The following STON1 variants were observed in gnomAD, a reference collection of about 807,000 sequenced individuals.
The protein encoded by STON1 is stonin 1, also known as stonin-1.
STON1 carries 79 observed loss-of-function variants against 60.9 expected under a neutral mutation model. The observed-to-expected ratio is 1.30, with a 90% confidence interval of 1.08 to 1.56. The LOEUF (loss-of-function observed/expected upper bound fraction) is 1.56. STON1 is among the 40% of genes most tolerant of loss of function. The pLI is 0.00. For missense variants in STON1, 1,166 were observed against 858.9 expected, an observed-to-expected ratio of 1.36 and a Z score of -4.47; for synonymous variants, 363 against 306.9, an observed-to-expected ratio of 1.18 and a Z score of -1.91.
In STON1 at chr2:48,596,227, G is replaced by T. The variant is rs542314091; in HGVS notation, c.*925G>T. ...ATTATGATTATTTTATACTAGTTCT[G>T]CTATCATGCTGTTTTATGCTAATTC... is the stretch of plus-strand genomic sequence containing the variant. On this transcript the variant is annotated 3_prime_UTR_variant, in exon 4 of 4. Coordinates refer to ENST00000404752, the MANE Select transcript of STON1 (RefSeq NM_006873.4). 6.6e-4 allele frequency: 101 copies of T among 152,230 alleles called. No homozygotes were observed. The highest frequency in any genetic ancestry group is 2.3e-3 in the African/African-American group (96 of 41,542). The allele number at this position is 152,230 out of a possible 1,614,324, so 9.4% of individuals were successfully genotyped here.
intron 1 of STON1, among the ~76,000 whole-genome samples, chr2:48,564,427 T>C (rs1000932451): frequency 6.4e-4 from 28 of 43,644 alleles, no homozygotes; most frequent in African/African-American, 2.2e-3. Flanking sequence ...TTCTTCTTCT[T>C]CTTCTTCTTC....
intron 2 of STON1, among the ~76,000 whole-genome samples, chr2:48,589,668 C>T (rs1185510655): frequency 6.6e-6 from 1 of 152,176 alleles, no homozygotes. Context: ...ACCACTAAGT[C>T]TTCAATTTGG....
At chr2:48,548,349 T>A (rs1671944752) in intron 1 of STON1, among the ~76,000 whole-genome samples, 1 of 152,204 alleles carries the variant, frequency 6.6e-6, no homozygotes, top group South Asian at 2.1e-4. Flanking sequence ...CTGGGGACCC[T>A]GGGGTAAATG....
chr2:48,540,658 G>A (rs1360542597), intron 1 of STON1, among the ~76,000 whole-genome samples: 1 of 152,222 alleles, frequency 6.6e-6, no homozygotes, highest in Non-Finnish European at 1.5e-5. Flanking sequence ...AGTTCTGTGA[G>A]CTGCTCCAGC....
At position 48,598,316 on chromosome 2, in the gene STON1, T is replaced by G. The variant is rs1248563008; in HGVS notation, c.*3014T>G. Reference sequence around the variant, plus strand: ...GTTAGTTCCCTTCATTCCAGAGCTATGCTTGTGATACAGCCCCTTTTCTTA... The same window carrying G: ...GTTAGTTCCCTTCATTCCAGAGCTAGGCTTGTGATACAGCCCCTTTTCTTA... On this transcript the variant is annotated 3_prime_UTR_variant, in exon 4 of 4. Coordinates refer to ENST00000404752, the MANE Select transcript of STON1 (RefSeq NM_006873.4). 1 of 152,614 alleles carries G rather than the reference T, an allele frequency of 6.6e-6. No individual in the cohort carries two copies. The highest frequency in any genetic ancestry group is 2.4e-5 in the African/African-American group (1 of 41,458). 9.5% of individuals were successfully genotyped at this position (152,614 alleles called of 1,614,324 possible). A position where few individuals can be genotyped will look rare whatever the true frequency, so the allele number is the denominator to read the frequency against.
rs933172216 is a variant in STON1, at chr2:48,596,843, T to A, written c.*1541T>A. On this transcript the variant is annotated 3_prime_UTR_variant, in exon 4 of 4. Transcript: ENST00000404752. ...ATGGTTGGTTGAAAGGAATTGTTAT[T>A]GCTGTTTTTATTTTTTACTTTTTTT... is the stretch of plus-strand genomic sequence containing the variant. 6.6e-6 allele frequency: 1 copy of A among 152,080 alleles called. No individual in the cohort carries two copies. The highest frequency in any genetic ancestry group is 6.5e-5 in the Admixed American group (1 of 15,272). 9.4% of individuals were successfully genotyped at this position (152,080 alleles called of 1,614,324 possible). A position where few individuals can be genotyped will look rare whatever the true frequency, so the allele number is the denominator to read the frequency against.
intron 1 of STON1, among the ~76,000 whole-genome samples, chr2:48,557,393 G>C (rs56134565): frequency 6.9e-5 from 7 of 101,804 alleles, no homozygotes; most frequent in African/African-American, 1.7e-4. Context: ...CGAGCAGAGA[G>C]GCTCCTCACT....
chr2:48,582,614 T>G, intron 2 of STON1, 51 bp downstream of exon 2: 1 of 1,563,928 alleles, frequency 6.4e-7, no homozygotes, highest in Non-Finnish European at 8.6e-7. Context: ...GCTTAAATAT[T>G]CTTACCTTCC....
At chr2:48,577,956 A>G (rs1052537207) in intron 1 of STON1, among the ~76,000 whole-genome samples, 2 of 151,528 alleles carry the variant, frequency 1.3e-5, no homozygotes, top group Non-Finnish European at 2.9e-5. Flanking sequence ...AGAGTTTTAT[A>G]GTTTCAAGTC....
At chr2:48,564,331 A>T (rs1281421755) in intron 1 of STON1, among the ~76,000 whole-genome samples, 1 of 152,082 alleles carries the variant, frequency 6.6e-6, no homozygotes, top group Non-Finnish European at 1.5e-5. Flanking sequence ...TGAGGGTTGC[A>T]GATGGCTGAT....
chr2:48,582,401 C>T lies in STON1; in HGVS notation c.1768C>T (p.Gln590Ter), dbSNP rs202070331. The change falls in exon 2 of 4, where the codon CAG becomes TAG. Residue 590 changes from glutamine to a stop codon, truncating the protein, a stop_gained. Transcript: ENST00000404752. LOFTEE classifies it high-confidence loss of function. Reference protein sequence around the residue: ...KALWTMNLQRQKSLKAKMNRR... With the variant: ...KALWTMNLQR ...CCTTTGGACCATGAACCTCCAGAGG[C>T]AGAAGTCTCTGAAAGCTAAAATGAA... 2.5e-6 allele frequency: 4 copies of T among 1,614,148 alleles called. No individual in the cohort carries two copies. The highest frequency in any genetic ancestry group is 2.2e-5 in the East Asian group (1 of 44,868).
intron 2 of STON1, among the ~76,000 whole-genome samples, chr2:48,586,586 C>T (rs1291326931): frequency 6.6e-6 from 1 of 152,118 alleles, no homozygotes; most frequent in Non-Finnish European, 1.5e-5. Flanking sequence ...AGCAGAACCA[C>T]AGGTGTGTGG....
At chr2:48,564,470 C>CTTCTTCTTCTTCTTCTTCTTCT (rs1672774335) in intron 1 of STON1, among the ~76,000 whole-genome samples, 1 of 54,530 alleles carries the variant, frequency 1.8e-5, no homozygotes, top group African/African-American at 7.3e-5. Context: ...TCTTCTTCTT[C>CTTCTTCTTCTTCTTCTTCTTCT]TTCTTCTTCT....
chr2:48,534,959 G>C (rs539228338), intron 1 of STON1, among the ~76,000 whole-genome samples: 18 of 152,262 alleles, frequency 1.2e-4, no homozygotes, highest in African/African-American at 4.1e-4. Flanking sequence ...CTCACAAGAA[G>C]AATCCCGAAT....
chr2:48,544,669 C>T (rs1671791509), intron 1 of STON1, among the ~76,000 whole-genome samples: 1 of 152,134 alleles, frequency 6.6e-6, no homozygotes, highest in Admixed American at 6.5e-5. Flanking sequence ...CTTCAGCCTC[C>T]CGAGTAGCTG....
Position 48,580,729 on chromosome 2 carries a change from A to C in STON1, c.96A>C (p.Gln32His). 6.6e-7 allele frequency: 1 copy of C among 1,504,916 alleles called. No individual in the cohort carries two copies. The highest frequency in any genetic ancestry group is 2.4e-5 in the East Asian group (1 of 40,898). The allele number at this position is 1,504,916 out of a possible 1,614,324, so 93.2% of individuals were successfully genotyped here. A position where few individuals can be genotyped will look rare whatever the true frequency, so the allele number is the denominator to read the frequency against. Residue 32 changes from glutamine (Q) to histidine (H), a missense_variant, in exon 2 of 4, where the codon CAA becomes CAC. Gln to His is a conservative substitution (Grantham distance 24). Coordinates refer to ENST00000404752, the MANE Select transcript of STON1 (RefSeq NM_006873.4). ...CAAAGAATTTTCCTCTGGAGAATCA[A>C]GGTGTCTGTAGACCAAATGGACTGA... ...QKSKNFPLEN[Q>H]GVCRPNGLKL...
intron 1 of STON1, among the ~76,000 whole-genome samples, chr2:48,533,215 C>T (rs1558560374): frequency 6.6e-6 from 1 of 152,062 alleles, no homozygotes; most frequent in Non-Finnish European, 1.5e-5. Flanking sequence ...AACCCCGTCT[C>T]TACTAAAAAC....
At chr2:48,537,382 A>T (rs1572921929) in intron 1 of STON1, among the ~76,000 whole-genome samples, 1 of 152,274 alleles carries the variant, frequency 6.6e-6, no homozygotes, top group East Asian at 1.9e-4. Flanking sequence ...ATATGAGATG[A>T]TCATTTTTTC....
At chr2:48,536,243 T>C (rs11695393) in intron 1 of STON1, among the ~76,000 whole-genome samples, 23,171 of 151,960 alleles carry the variant, frequency 0.15, 2,194 homozygotes, top group East Asian at 0.42. Flanking sequence ...TGTGAAGAGA[T>C]AGTGCATGAA....
Sources: allele counts gnomAD v4.1 joint callset (sites outside exome capture counted in the v4.1 genomes callset), GRCh38; gene constraint gnomAD v4.1.1; transcripts MANE v1.5; gene names NCBI Gene and HGNC (gene_info 2026-07-23, HGNC 2026-07-21).